The following TRPM2 variants were observed in gnomAD, a reference collection of about 807,000 sequenced individuals.
The protein encoded by TRPM2 is transient receptor potential cation channel subfamily M member 2.
Under a neutral mutation model 174.0 loss-of-function variants are expected in TRPM2, and 161 were observed. The observed-to-expected ratio is 0.93, with a 90% CI of 0.81 to 1.05. TRPM2 has a LOEUF of 1.05. TRPM2 is among the 50% of genes least tolerant of loss of function. TRPM2 has a pLI of 0.00. For synonymous variants in TRPM2, 954 were observed against 861.3 expected, an observed-to-expected ratio of 1.11 and a Z score of -1.88; for missense variants, 2,057 against 2,038.0, an observed-to-expected ratio of 1.01 and a Z score of -0.18.
At chr21:44,421,467 T>C (rs1439274820) in intron 22 of TRPM2, among the ~76,000 whole-genome samples, 1 of 151,932 alleles carries the variant, frequency 6.6e-6, no homozygotes, top group Non-Finnish European at 1.5e-5. Flanking sequence ...TTGAAAAAGC[T>C]TAACTAAAAT....
rs1290957396 is a variant in TRPM2 at position 44,366,665 on chromosome 21, C to T, written c.424-89C>T. 6 of 1,583,130 alleles carry T rather than the reference C, an allele frequency of 3.8e-6. No individual in the cohort carries two copies. Among genetic ancestry groups the T allele is most frequent in the Non-Finnish European group, 4.3e-6 (5 of 1,160,070 alleles). ...AAAGGTGTGCGGTGTCTGCCGCCCG[C>T]TGGGGCCTCTCTGCATGGCCTGTGT... On this transcript the variant is annotated intron_variant, in intron 3 of 31. Transcript: ENST00000397928. This position sits in a 1 kb window ranked among gnomAD's most constrained non-coding sequence, Gnocchi z 6.0.
Position 44,405,087 on chromosome 21 carries a change from G to A in TRPM2, c.2539-55G>A, listed in dbSNP as rs1211552038. 3.7e-6 allele frequency: 6 copies of A among 1,603,762 alleles called. No individual in the cohort carries two copies. The African/African-American group carries it at 5.3e-5, about 14-fold the overall frequency. ...TGGATAGTGATGTGACAGTGACAGT[G>A]AGGATAGTAAGAGTGACAACCTGTC... On this transcript the variant is annotated intron_variant, in intron 16 of 31. Transcript: ENST00000397928.
chr21:44,352,237 A>G (rs1261179449), upstream of TRPM2, among the ~76,000 whole-genome samples: 1 of 152,226 alleles, frequency 6.6e-6, no homozygotes, highest in Non-Finnish European at 1.5e-5. Flanking sequence ...ATCTGCTCTG[A>G]GAACTGCAGG....
Position 44,395,411 on chromosome 21 carries a change from C to T in TRPM2, c.1795-3C>T, listed in dbSNP as rs1437194550. On this transcript the variant is annotated splice_region_variant and splice_polypyrimidine_tract_variant and intron_variant, in intron 11 of 31. Transcript: ENST00000397928. ...GGGGCTCTGACAGTTCACTGCTCAC[C>T]AGGTGCAGGGAGTGAGCCTCCGGTC... 2 of 1,612,360 alleles carry T rather than the reference C, an allele frequency of 1.2e-6. No individual in the cohort carries two copies. Among genetic ancestry groups the T allele is most frequent in the Non-Finnish European group, 1.7e-6 (2 of 1,179,822 alleles).
chr21:44,386,317 A>G (rs997765131), intron 9 of TRPM2, among the ~76,000 whole-genome samples: 6 of 152,140 alleles, frequency 3.9e-5, no homozygotes, highest in Admixed American at 2.6e-4. Context: ...CTGAGGCAGG[A>G]GAATGGTGTG....
At chr21:44,415,275 A>G (rs1165773001) in intron 20 of TRPM2, 1 of 150,854 alleles carries the variant, frequency 6.6e-6, no homozygotes, top group Non-Finnish European at 1.5e-5. Context: ...CCCTGTGGCT[A>G]TGGGGCCCTA....
rs892281655 is a variant in TRPM2 at position 44,442,287 on chromosome 21, G to C, written c.*470G>C. Reference sequence around the variant, plus strand: ...CTCCCCAAGAGGGCCTCCATGTTTCGAGGTGCCTCAACATGGAGCCTTGCC... The same window carrying C: ...CTCCCCAAGAGGGCCTCCATGTTTCCAGGTGCCTCAACATGGAGCCTTGCC... On this transcript the variant is annotated 3_prime_UTR_variant, in exon 32 of 32. Transcript: ENST00000397928. 1.3e-5 allele frequency: 2 copies of C among 153,718 alleles called. No individual in the cohort carries two copies. The highest frequency in any genetic ancestry group is 2.9e-5 in the Non-Finnish European group (2 of 69,140). The allele number at this position is 153,718 out of a possible 1,614,324, so 9.5% of individuals were successfully genotyped here.
chr21:44,352,456 A>G (rs2123001479), upstream of TRPM2, among the ~76,000 whole-genome samples: 3 of 152,184 alleles, frequency 2.0e-5, no homozygotes, highest in African/African-American at 7.2e-5. Context: ...TCAGTCACCT[A>G]ATGTGATGAG....
At chr21:44,389,290 T>C (rs1291132807) in intron 9 of TRPM2, among the ~76,000 whole-genome samples, 8 of 152,250 alleles carry the variant, frequency 5.3e-5, no homozygotes, top group Non-Finnish European at 1.5e-5. Flanking sequence ...AGGAGTGTCC[T>C]GTTGTGTGAA....
chr21:44,387,761 G>T (rs1168334828), intron 9 of TRPM2, among the ~76,000 whole-genome samples: 1 of 151,936 alleles, frequency 6.6e-6, no homozygotes, highest in Non-Finnish European at 1.5e-5. Context: ...CTTTAAAGAA[G>T]TCGTACAAAT....
intron 2 of TRPM2, among the ~76,000 whole-genome samples, chr21:44,356,991 G>A (rs747887618): frequency 1.5e-4 from 23 of 152,024 alleles, no homozygotes; most frequent in Non-Finnish European, 2.9e-4. Context: ...CACTTTCGTC[G>A]CCATCTTGGT....
intron 27 of TRPM2, among the ~76,000 whole-genome samples, chr21:44,428,538 G>A (rs2050897405): frequency 7.1e-6 from 1 of 140,882 alleles, no homozygotes; most frequent in South Asian, 2.3e-4. Flanking sequence ...TCCTCCCTGA[G>A]GTGTGACTCC....
chr21:44,375,016 A>T (rs1474923642), intron 5 of TRPM2, among the ~76,000 whole-genome samples: 1 of 152,024 alleles, frequency 6.6e-6, no homozygotes, highest in Non-Finnish European at 1.5e-5. Flanking sequence ...GGCTCAAGTG[A>T]TCTTCCCATC....
At chr21:44,406,141 C>A in intron 18 of TRPM2, 104 bp downstream of exon 18, 1 of 1,425,878 alleles carries the variant, frequency 7.0e-7, no homozygotes, top group Non-Finnish European at 9.5e-7. Flanking sequence ...TTAAACACAC[C>A]TGTAGGTTCC....
In TRPM2 at chr21:44,401,711, C is replaced by T. The variant is rs143061056; in HGVS notation, c.2352C>T (p.Pro784=). ...AGAGGCTGCAGGATGTGGGCACCCC[C>T]GCGGCCCGCGCCCGTGCCTTCTTCA... ...REKRLQDVGT[P]AARARAFFTA... The change falls in exon 16 of 32, where the codon CCC becomes CCT. Residue 784 remains proline, a synonymous_variant. Transcript: ENST00000397928. 54 of 1,613,224 alleles carry T rather than the reference C, an allele frequency of 3.3e-5. No homozygotes were observed. The East Asian group carries it at 6.2e-4, about 19-fold the overall frequency.
chr21:44,395,512 C>A lies in TRPM2; in HGVS notation c.1893C>A (p.Val631=). 6.8e-6 allele frequency: 11 copies of A among 1,613,080 alleles called. No homozygotes were observed. Among genetic ancestry groups the A allele is most frequent in the Non-Finnish European group, 9.3e-6 (11 of 1,179,944 alleles). The change falls in exon 12 of 32, where the codon GTC becomes GTA. Residue 631 remains valine (V), a synonymous_variant. Transcript: ENST00000397928. ...PIRDLLIWAI[V]QNRRELAGII... ...GTGACCTTCTCATTTGGGCCATTGT[C>A]CAGAACCGTCGGGAGCTGGCAGGAA...
At chr21:44,395,301 T>G in intron 11 of TRPM2, 113 bp from the exon 12 acceptor site, 1,044 of 1,284,602 alleles carry the variant, frequency 8.1e-4, no homozygotes, top group Non-Finnish European at 1.0e-3. Flanking sequence ...CCAGGGACAG[T>G]GAGATCCTGA....
intron 30 of TRPM2, 60 bp from the exon 31 acceptor site, chr21:44,440,729 G>C (rs2051467528): frequency 1.4e-6 from 2 of 1,457,824 alleles, no homozygotes; most frequent in Admixed American, 3.4e-5. Flanking sequence ...GGCACGAGGT[G>C]GGCCGGGGCA....
intron 20 of TRPM2, among the ~76,000 whole-genome samples, chr21:44,417,228 A>G (rs1364906685): frequency 1.5e-5 from 2 of 131,208 alleles, no homozygotes; most frequent in Non-Finnish European, 3.2e-5. Flanking sequence ...CACAGTGGGC[A>G]CAAGGGCGTG....
Sources: allele counts gnomAD v4.1 joint callset (sites outside exome capture counted in the v4.1 genomes callset), GRCh38; gene constraint gnomAD v4.1.1; non-coding constraint Gnocchi (gnomAD v3.1); transcripts MANE v1.5; gene names NCBI Gene and HGNC (gene_info 2026-07-23, HGNC 2026-07-21).